The following OR6T1 variants were observed in gnomAD, a reference collection of about 807,000 sequenced individuals.
OR6T1 encodes olfactory receptor family 6 subfamily T member 1.
For synonymous variants in OR6T1, 179 were observed against 159.1 expected, an observed-to-expected ratio of 1.13 and a Z score of -0.94; for missense variants, 389 against 390.5, an observed-to-expected ratio of 1.00 and a Z score of 0.03.
rs200267958 is a variant in OR6T1, at chr11:123,942,961, C to T, written c.878G>A (p.Arg293His). 156 of 1,614,058 alleles carry T rather than the reference C, an allele frequency of 9.7e-5. 1 individual carries two copies. The highest frequency in any genetic ancestry group is 3.0e-4 in the Admixed American group (18 of 60,018). The change falls in exon 1 of 1, where the codon CGC becomes CAC. Residue 293 changes from arginine to histidine, a missense_variant. By Grantham distance (29) the Arg-to-His change is conservative. Coordinates refer to ENST00000321252, the MANE Select transcript of OR6T1 (RefSeq NM_001005187.1). The stretch of plus-strand genomic sequence containing the variant: ...CAGTGCTTGCTGCACCTTGTCATTG[C>T]GGAGAGTGAAGATGAATGGGTTCAA... ...PLLNPFIFTL[R>H]NDKVQQALRE...
chr11:123,942,954 G>A lies in OR6T1; in HGVS notation c.885C>T (p.Asp295=), dbSNP rs1201482607. Residue 295 remains aspartate, a synonymous_variant, in exon 1 of 1, where the codon GAC becomes GAT. Transcript: ENST00000321252. The stretch of plus-strand genomic sequence containing the variant: ...CTTCTCTCAGTGCTTGCTGCACCTT[G>A]TCATTGCGGAGAGTGAAGATGAATG... The part of the protein sequence containing the change: ...LNPFIFTLRN[D]KVQQALREAL... The A allele has an allele frequency of 1.2e-6, 2 of 1,614,052 alleles. No individual in the cohort carries two copies. The highest frequency in any genetic ancestry group is 1.1e-5 in the South Asian group (1 of 91,082).
Position 123,942,938 on chromosome 11 carries a change from G to A in OR6T1, c.901C>T (p.Leu301=), listed in dbSNP as rs754249937. The A allele has an allele frequency of 1.2e-6, 2 of 1,614,150 alleles. No homozygotes were observed. Among genetic ancestry groups the A allele is most frequent in the Non-Finnish European group, 8.5e-7 (1 of 1,180,002 alleles). ...TLRNDKVQQA[L]REALGWPRLT... ...CTGGGCCACCCCAAGGCTTCTCTCAGTGCTTGCTGCACCTTGTCATTGCGG... is the reference window on the plus strand; with the variant it reads ...CTGGGCCACCCCAAGGCTTCTCTCAATGCTTGCTGCACCTTGTCATTGCGG... The change falls in exon 1 of 1, where the codon CTG becomes TTG. Residue 301 remains leucine (L), a synonymous_variant. Transcript: ENST00000321252.
the OR6T1 span, chr11:123,943,025 T>A: frequency 1.9e-6 from 3 of 1,614,102 alleles, no homozygotes; most frequent in Non-Finnish European, 2.5e-6. Flanking sequence ...GAGGCACCTT[T>A]GTTGAGCAGT....
Position 123,943,227 on chromosome 11 carries a change from C to T in OR6T1, c.612G>A (p.Thr204=), listed in dbSNP as rs561398890. 3.0e-5 allele frequency: 49 copies of T among 1,614,186 alleles called. No individual in the cohort carries two copies. The highest frequency in any genetic ancestry group is 8.9e-5 in the East Asian group (4 of 44,882). ...GAGCCAGTGAGCCCAGTAACACCAA[C>T]GTAGAGAGCATGAAAGCCACCAGTT... ...LLKLVAFMLS[T]LVLLGSLALT... is the part of the protein sequence containing the mutation. Residue 204 remains threonine (T), a synonymous_variant, in exon 1 of 1, where the codon ACG becomes ACA. Transcript: ENST00000321252.
rs776878477 is a variant in OR6T1 at position 123,943,834 on chromosome 11, T to C, written c.5A>G (p.Asn2Ser). M[N>S]PENWTQVTSF... is the part of the protein sequence containing the mutation. ...TGTTACCTGAGTCCAGTTTTCAGGG[T>C]TCATCTTCAGTCACCTGCAGGGGAA... Residue 2 changes from asparagine to serine, a missense_variant, in exon 1 of 1, where the codon AAC becomes AGC. Physicochemically the swap from Asn to Ser is conservative, Grantham distance 46 (BLOSUM62 1). Transcript: ENST00000321252. 1.2e-6 allele frequency: 2 copies of C among 1,610,518 alleles called. No individual in the cohort carries two copies. Among genetic ancestry groups the C allele is most frequent in the African/African-American group, 2.7e-5 (2 of 74,748 alleles).
rs1308480760 is a variant in OR6T1, at chr11:123,943,614, A to C, written c.225T>G (p.Thr75=). The C allele has an allele frequency of 2.5e-6, 4 of 1,614,226 alleles. No homozygotes were observed. In the South Asian group the frequency reaches 4.4e-5, roughly 18 times the overall value. ...CGACAAGCATCTTGGGAACCACAAC[A>C]GTTACCAGCAACAGCTCCAGGAAGG... ...NFSFLELLLV[T]VVVPKMLVVI... Residue 75 remains threonine, a synonymous_variant, in exon 1 of 1, where the codon ACT becomes ACG. Transcript: ENST00000321252.
In OR6T1 at chr11:123,942,981, G is replaced by A; in HGVS notation, c.858C>T (p.Asn286=). 6.2e-7 allele frequency: 1 copy of A among 1,614,158 alleles called. No individual in the cohort carries two copies. The highest frequency in any genetic ancestry group is 8.5e-7 in the Non-Finnish European group (1 of 1,180,022). The change falls in exon 1 of 1, where the codon AAC becomes AAT. Residue 286 remains asparagine (N), a synonymous_variant. Transcript: ENST00000321252. The part of the protein sequence containing the change: ...VLSCIITPLL[N]PFIFTLRNDK... ...CATTGCGGAGAGTGAAGATGAATGG[G>A]TTCAAGAGGGGTGTGATGATGCAGC...
rs139333041 is a variant in OR6T1, at chr11:123,943,013, C to T, written c.826G>A (p.Val276Ile). Reference sequence around the variant, plus strand: ...AGGGGTGTGATGATGCAGCTCAGGACGGAGGCACCTTTGTTGAGCAGTTTG... The same window carrying T: ...AGGGGTGTGATGATGCAGCTCAGGATGGAGGCACCTTTGTTGAGCAGTTTG... ...QSKLLNKGAS[V>I]LSCIITPLLN... Residue 276 changes from valine (V) to isoleucine (I), a missense_variant, in exon 1 of 1, where the codon GTC (valine) becomes ATC (isoleucine). Transcript: ENST00000321252. The T allele has an allele frequency of 8.5e-3, 13,722 of 1,614,040 alleles. 134 individuals carry two copies. Among genetic ancestry groups the T allele is most frequent in the Middle Eastern group, 0.047 (287 of 6,062 alleles).
Position 123,943,326 on chromosome 11 carries a change from G to T in OR6T1, c.513C>A (p.Pro171=). ...VLMASLPFCG[P]NGIDHFFRDS... is the part of the protein sequence containing the mutation. ...CACGAAAGAAGTGGTCAATACCATT[G>T]GGGCCACAGAAAGGCAGGCTGGCCA... is the stretch of plus-strand genomic sequence containing the variant. The change falls in exon 1 of 1, where the codon CCC becomes CCA. Residue 171 remains proline, a synonymous_variant. Coordinates refer to ENST00000321252, the MANE Select transcript of OR6T1 (RefSeq NM_001005187.1). 6.2e-7 allele frequency: 1 copy of T among 1,614,132 alleles called. No homozygotes were observed. The highest frequency in any genetic ancestry group is 8.5e-7 in the Non-Finnish European group (1 of 1,180,020).
rs1371737888 is a variant in OR6T1, at chr11:123,943,313, G to T, written c.526C>A (p.His176Asn). ...AAGGGCCAACTGTCACGAAAGAAGTGGTCAATACCATTGGGGCCACAGAAA... is the reference window on the plus strand; with the variant it reads ...AAGGGCCAACTGTCACGAAAGAAGTTGTCAATACCATTGGGGCCACAGAAA... ...LPFCGPNGID[H>N]FFRDSWPLLR... The change falls in exon 1 of 1, where the codon CAC (histidine) becomes AAC (asparagine). Residue 176 changes from histidine (H) to asparagine (N), a missense_variant. Transcript: ENST00000321252. 2.5e-6 allele frequency: 4 copies of T among 1,614,000 alleles called. No individual in the cohort carries two copies. The highest frequency in any genetic ancestry group is 1.7e-5 in the Admixed American group (1 of 59,994).
chr11:123,943,299 G>A lies in OR6T1; in HGVS notation c.540C>T (p.Asp180=). The A allele has an allele frequency of 6.2e-7, 1 of 1,614,186 alleles. No individual in the cohort carries two copies. The highest frequency in any genetic ancestry group is 8.5e-7 in the Non-Finnish European group (1 of 1,180,016). ...GPNGIDHFFR[D]SWPLLRLSCG... ...AAGAAAGCCTGAGCAAGGGCCAACT[G>A]TCACGAAAGAAGTGGTCAATACCAT... The change falls in exon 1 of 1, where the codon GAC becomes GAT. Residue 180 remains aspartate, a synonymous_variant. Transcript: ENST00000321252.
chr11:123,943,702 A>G lies in OR6T1; in HGVS notation c.137T>C (p.Ile46Thr). The change falls in exon 1 of 1, where the codon ATT becomes ACT. Residue 46 changes from isoleucine to threonine, a missense_variant. By Grantham distance (89) the Ile-to-Thr change is moderately conservative. Transcript: ENST00000321252. ...IVTATGKLLI[I>T]VLSWIDQRLH... ...GCGTTGGTCTATCCAGCTGAGCACA[A>G]TAATTAGCAGCTTGCCTGTGGCTGT... is the stretch of plus-strand genomic sequence containing the variant. The G allele has an allele frequency of 1.9e-6, 3 of 1,614,228 alleles. No homozygotes were observed. Among genetic ancestry groups the G allele is most frequent in the Non-Finnish European group, 1.7e-6 (2 of 1,180,024 alleles).
Position 123,943,138 on chromosome 11 carries a change from C to T in OR6T1, c.701G>A (p.Arg234Gln), listed in dbSNP as rs374517882. The T allele has an allele frequency of 5.2e-5, 84 of 1,614,180 alleles. No individual in the cohort carries two copies. The highest frequency in any genetic ancestry group is 5.5e-5 in the Non-Finnish European group (65 of 1,180,028). The part of the protein sequence containing the change: ...TVLRAPTAAE[R>Q]RKAFSTCASH... ...GGCGCAAGTGGAAAACGCTTTCCTT[C>T]GCTCAGCAGCTGTAGGGGCCCTGAG... Residue 234 changes from arginine (R) to glutamine (Q), a missense_variant, in exon 1 of 1, where the codon CGA becomes CAA. By Grantham distance (43) the Arg-to-Gln change is conservative. Transcript: ENST00000321252.
Position 123,943,696 on chromosome 11 carries a change from A to G in OR6T1, c.143T>C (p.Leu48Pro). The G allele has an allele frequency of 6.2e-7, 1 of 1,614,190 alleles. No individual in the cohort carries two copies. The highest frequency in any genetic ancestry group is 8.5e-7 in the Non-Finnish European group (1 of 1,180,006). The change falls in exon 1 of 1, where the codon CTC (leucine) becomes CCC (proline). Residue 48 changes from leucine to proline, a missense_variant. By Grantham distance (98) the Leu-to-Pro change is moderately conservative. Transcript: ENST00000321252. ...GTGCAGGCGTTGGTCTATCCAGCTG[A>G]GCACAATAATTAGCAGCTTGCCTGT... ...TATGKLLIIV[L>P]SWIDQRLHIQ...
Position 123,943,140 on chromosome 11 carries a change from C to T in OR6T1, c.699G>A (p.Glu233=). The T allele has an allele frequency of 6.2e-7, 1 of 1,614,222 alleles. No homozygotes were observed. The highest frequency in any genetic ancestry group is 8.5e-7 in the Non-Finnish European group (1 of 1,180,040). ...CGCAAGTGGAAAACGCTTTCCTTCG[C>T]TCAGCAGCTGTAGGGGCCCTGAGAA... The part of the protein sequence containing the change: ...ATVLRAPTAA[E]RRKAFSTCAS... Residue 233 remains glutamate, a synonymous_variant, in exon 1 of 1, where the codon GAG becomes GAA. Coordinates refer to ENST00000321252, the MANE Select transcript of OR6T1 (RefSeq NM_001005187.1).
Position 123,943,264 on chromosome 11 carries a change from G to A in OR6T1, c.575C>T (p.Thr192Ile). ...GAAAGCCACCAGTTTCAGCAGGTGG[G>A]TGTCCCCACAAGAAAGCCTGAGCAA... ...WPLLRLSCGD[T>I]HLLKLVAFML... The change falls in exon 1 of 1, where the codon ACC becomes ATC. Residue 192 changes from threonine (T) to isoleucine (I), a missense_variant. Coordinates refer to ENST00000321252, the MANE Select transcript of OR6T1 (RefSeq NM_001005187.1). 3 of 1,614,168 alleles carry A rather than the reference G, an allele frequency of 1.9e-6. No individual in the cohort carries two copies. Among genetic ancestry groups the A allele is most frequent in the East Asian group, 2.2e-5 (1 of 44,864 alleles).
chr11:123,943,760 C>T lies in OR6T1; in HGVS notation c.79G>A (p.Val27Met), dbSNP rs1863492047. The T allele has an allele frequency of 1.2e-6, 2 of 1,614,092 alleles. No homozygotes were observed. The highest frequency in any genetic ancestry group is 1.7e-6 in the Non-Finnish European group (2 of 1,179,950). The change falls in exon 1 of 1, where the codon GTG (valine) becomes ATG (methionine). Residue 27 changes from valine to methionine, a missense_variant. Physicochemically the swap from Val to Met is conservative, Grantham distance 21. Transcript: ENST00000321252. ...TAGGTCACCATTAACCCCAGGAACA[C>T]CAGGAACTGTATGAGGTGGCTACTG... ...FPSSHLIQFL[V>M]FLGLMVTYIV...
rs1028394599 is a variant in OR6T1 at position 123,943,621 on chromosome 11, A to G, written c.218T>C (p.Leu73Pro). 1 of 1,614,124 alleles carries G rather than the reference A, an allele frequency of 6.2e-7. No individual in the cohort carries two copies. Among genetic ancestry groups the G allele is most frequent in the African/African-American group, 1.3e-5 (1 of 74,954 alleles). The change falls in exon 1 of 1, where the codon CTG becomes CCG. Residue 73 changes from leucine (L) to proline (P), a missense_variant. By Grantham distance (98) the Leu-to-Pro change is moderately conservative. Transcript: ENST00000321252. Reference protein sequence around the residue: ...LRNFSFLELLLVTVVVPKMLV... With the variant: ...LRNFSFLELLPVTVVVPKMLV... ...CATCTTGGGAACCACAACAGTTACC[A>G]GCAACAGCTCCAGGAAGGAGAAATT...
chr11:123,943,408 A>T lies in OR6T1; in HGVS notation c.431T>A (p.Leu144Gln), dbSNP rs1296320267. ...TLMNGHVCSQ[L>Q]VLASWLAGFL... The stretch of plus-strand genomic sequence containing the variant: ...TCCAGCTAGCCAGGAGGCCAGCACT[A>T]GTTGGGAACAGACATGGCCATTCAT... Residue 144 changes from leucine (L) to glutamine (Q), a missense_variant, in exon 1 of 1, where the codon CTA becomes CAA. By Grantham distance (113) the Leu-to-Gln change is moderately radical (BLOSUM62 -2). Coordinates refer to ENST00000321252, the MANE Select transcript of OR6T1 (RefSeq NM_001005187.1). 21 of 1,614,084 alleles carry T rather than the reference A, an allele frequency of 1.3e-5. No individual in the cohort carries two copies. The Admixed American group carries it at 3.3e-4, about 26-fold the overall frequency.
Sources: allele counts gnomAD v4.1 joint callset, GRCh38; gene constraint gnomAD v4.1.1; transcripts MANE v1.5; gene names NCBI Gene and HGNC (gene_info 2026-07-23, HGNC 2026-07-21).